ABCB11: variants seen among roughly 807,000 people sequenced by gnomAD.
ABCB11 encodes the protein ATP binding cassette subfamily B member 11, also known as bile salt export pump.
A neutral mutation model predicts 148.0 loss-of-function variants in ABCB11; 95 were observed. That is an observed-to-expected ratio of 0.64 (90% CI 0.54 to 0.76). The LOEUF (loss-of-function observed/expected upper bound fraction) is 0.76, where lower values mean the gene tolerates loss of function less well. ABCB11 is among the 30% of genes least tolerant of loss of function. ABCB11 has a pLI of 0.00. For missense variants in ABCB11, 1,523 were observed against 1,617.8 expected (o/e 0.94, Z 1.01); for synonymous variants, 591 against 555.4 (o/e 1.06, Z -0.90).
At position 168,989,025 on chromosome 2, in the gene ABCB11, T is replaced by C. The variant is rs60246666; in HGVS notation, c.908+1776A>G. Reference sequence around the variant, plus strand: ...GTTTGTGTTTCTTATATGTATTGGATATTAACCCCTTATCAGATGTATGGG... The same window carrying C: ...GTTTGTGTTTCTTATATGTATTGGACATTAACCCCTTATCAGATGTATGGG... On this transcript the variant is annotated intron_variant, in intron 9 of 27. Coordinates refer to ENST00000650372, the MANE Select transcript of ABCB11 (RefSeq NM_003742.4). Among the ~76,000 whole-genome samples, 1,296 of 152,290 alleles carry C rather than the reference T, an allele frequency of 8.5e-3. 22 individuals carry two copies. Among genetic ancestry groups the C allele is most frequent in the African/African-American group, 0.029 (1,217 of 41,580 alleles).
intron 25 of ABCB11, among the ~76,000 whole-genome samples, chr2:168,929,996 G>A (rs941435349): frequency 6.6e-6 from 1 of 152,132 alleles, no homozygotes; most frequent in African/African-American, 2.4e-5. Context: ...GAGAAATGTG[G>A]AGTGGGAGTG....
chr2:168,955,604 G>T (rs1348702032), intron 19 of ABCB11, among the ~76,000 whole-genome samples: 3 of 151,496 alleles, frequency 2.0e-5, no homozygotes, highest in Non-Finnish European at 4.4e-5. Context: ...CGAGATTTGG[G>T]TGGGGACACA....
At chr2:168,960,846 G>A (rs1438835729) in intron 18 of ABCB11, among the ~76,000 whole-genome samples, 2 of 151,594 alleles carry the variant, frequency 1.3e-5, no homozygotes, top group African/African-American at 2.4e-5. Flanking sequence ...CTCTGATTTT[G>A]CAAAATTAAA....
chr2:169,003,459 A>G (rs1335026154), intron 5 of ABCB11, among the ~76,000 whole-genome samples: 2 of 151,144 alleles, frequency 1.3e-5, no homozygotes, highest in Non-Finnish European at 2.9e-5. Context: ...CGTAATATAT[A>G]TATTACATTT....
intron 1 of ABCB11, among the ~76,000 whole-genome samples, chr2:169,024,874 G>A: frequency 6.6e-6 from 1 of 152,132 alleles, no homozygotes; most frequent in Non-Finnish European, 1.5e-5. Context: ...ATTTAATTAA[G>A]TAGTTTATGA....
chr2:168,932,079 C>A (rs531671750), intron 24 of ABCB11, among the ~76,000 whole-genome samples: 2 of 152,124 alleles, frequency 1.3e-5, no homozygotes, highest in African/African-American at 4.8e-5. Context: ...TATAGGTATA[C>A]ACGTGTCATG....
intron 3 of ABCB11, 30 bp from the exon 4 acceptor site, chr2:169,014,384 C>T (rs756395672): frequency 8.8e-6 from 14 of 1,594,384 alleles, no homozygotes. Flanking sequence ...GATTTAAAGA[C>T]CACCCTTTCC....
intron 5 of ABCB11, among the ~76,000 whole-genome samples, chr2:169,002,119 T>C (rs983906715): frequency 1.3e-5 from 2 of 152,192 alleles, no homozygotes; most frequent in Admixed American, 6.5e-5. Flanking sequence ...GGAGTGGCTA[T>C]ACTAATATCA....
chr2:168,957,859 G>T, intron 19 of ABCB11, 105 bp downstream of exon 19: 2 of 1,115,498 alleles, frequency 1.8e-6, no homozygotes, highest in African/African-American at 1.6e-5. Flanking sequence ...TGAGAAAAAT[G>T]AACTAACAGA....
chr2:168,941,709 C>CA (rs1204733278), intron 21 of ABCB11, among the ~76,000 whole-genome samples: 2 of 152,016 alleles, frequency 1.3e-5, no homozygotes, highest in African/African-American at 4.8e-5. Context: ...TTACATGCTA[C>CA]AAATAAATCT....
chr2:168,924,960 C>T (rs948982639), intron 26 of ABCB11, among the ~76,000 whole-genome samples, 157 bp from the exon 27 acceptor site: 1 of 152,040 alleles, frequency 6.6e-6, no homozygotes, highest in African/African-American at 2.4e-5. Flanking sequence ...ATGTCAAATC[C>T]ACTTAGGAAT....
chr2:168,964,959 C>G (rs1448792062), intron 17 of ABCB11, among the ~76,000 whole-genome samples: 1 of 151,766 alleles, frequency 6.6e-6, no homozygotes, highest in Non-Finnish European at 1.5e-5. Context: ...CAAAGACTAG[C>G]CAATAACAGA....
chr2:168,991,165 A>G (rs756122058), intron 8 of ABCB11, among the ~76,000 whole-genome samples: 3 of 152,140 alleles, frequency 2.0e-5, no homozygotes, highest in Admixed American at 6.6e-5. Flanking sequence ...TCCTCAAAGA[A>G]TAAATTCCAA....
chr2:169,006,516 C>T (rs1695023297), intron 5 of ABCB11, among the ~76,000 whole-genome samples: 1 of 151,994 alleles, frequency 6.6e-6, no homozygotes, highest in Non-Finnish European at 1.5e-5. Context: ...TTCTACTCAA[C>T]ATTGTACTGG....
chr2:168,969,973 G>C, intron 15 of ABCB11, 72 bp downstream of exon 15: 8 of 581,184 alleles, frequency 1.4e-5, no homozygotes, highest in East Asian at 5.4e-5. Context: ...CACCCCACAA[G>C]GAGCTGCCTT....
intron 5 of ABCB11, among the ~76,000 whole-genome samples, chr2:169,006,365 C>A (rs1175942169): frequency 6.6e-6 from 1 of 152,090 alleles, no homozygotes; most frequent in Non-Finnish European, 1.5e-5. Flanking sequence ...GAACACTCTA[C>A]AAACTAGGAT....
chr2:168,980,299 G>C (rs941899309), intron 10 of ABCB11, among the ~76,000 whole-genome samples: 2 of 152,130 alleles, frequency 1.3e-5, no homozygotes, highest in Non-Finnish European at 2.9e-5. Flanking sequence ...CTTGAATAGT[G>C]ATTTGATAAT....
intron 1 of ABCB11, among the ~76,000 whole-genome samples, chr2:169,021,231 G>T (rs1057221333): frequency 6.6e-6 from 1 of 152,062 alleles, no homozygotes; most frequent in Non-Finnish European, 1.5e-5. Context: ...CCAAAGTGCT[G>T]AGATTACAGG....
At chr2:168,957,224 C>A (rs1692839280) in intron 19 of ABCB11, among the ~76,000 whole-genome samples, 1 of 151,654 alleles carries the variant, frequency 6.6e-6, no homozygotes, top group Admixed American at 6.6e-5. Flanking sequence ...TGAATCCCAA[C>A]TCCACCACTT....
Sources: gnomAD v4.1 joint callset for allele counts (sites outside exome capture counted in the v4.1 genomes callset) on GRCh38, gnomAD v4.1.1 for gene constraint, MANE v1.5 for transcripts, NCBI Gene and HGNC (gene_info 2026-07-23, HGNC 2026-07-21) for gene names.